The following REPS1 variants were observed in gnomAD, a reference collection of about 807,000 sequenced individuals.
The protein encoded by REPS1 is ralBP1-associated Eps domain-containing protein 1.
In REPS1, 39 loss-of-function variants were observed where a neutral mutation model predicts 100.9. The observed-to-expected ratio is 0.39, with a 90% CI of 0.30 to 0.50. The LOEUF (loss-of-function observed/expected upper bound fraction) is 0.50. Ranked by LOEUF, REPS1 falls within the 20% of genes least tolerant of loss-of-function variation. The pLI is 0.86. For synonymous variants in REPS1, 324 were observed against 340.3 expected (o/e 0.95, Z 0.53); for missense variants, 821 against 968.5 (o/e 0.85, Z 2.02).
chr6:138,973,088 G>C (rs1177626558), intron 1 of REPS1, among the ~76,000 whole-genome samples: 6 of 152,150 alleles, frequency 3.9e-5, no homozygotes, highest in Non-Finnish European at 7.4e-5. Context: ...AAGGGAAACA[G>C]ATACACAGGA....
intron 8 of REPS1, chr6:138,934,440 G>C (rs1781676044): frequency 4.7e-6 from 2 of 423,998 alleles, no homozygotes. Context: ...AACCCAGTAT[G>C]ATCACACTGA....
At chr6:138,947,075 T>TCC (rs1554292217) in intron 2 of REPS1, among the ~76,000 whole-genome samples, 4 of 141,444 alleles carry the variant, frequency 2.8e-5, no homozygotes, top group Non-Finnish European at 6.2e-5. Flanking sequence ...TCTCTCTCTC[T>TCC]CCTGTGGCCA....
intron 19 of REPS1, among the ~76,000 whole-genome samples, chr6:138,906,065 G>A (rs1337893105): frequency 6.6e-6 from 1 of 152,096 alleles, no homozygotes; most frequent in African/African-American, 2.4e-5. Context: ...CTATATACTT[G>A]TTTCAATGGT....
At chr6:138,953,487 C>T (rs1263064927) in intron 1 of REPS1, among the ~76,000 whole-genome samples, 1 of 151,902 alleles carries the variant, frequency 6.6e-6, no homozygotes, top group Non-Finnish European at 1.5e-5. Context: ...GCTGAAATAT[C>T]TCAACAGCAA....
At chr6:138,961,090 A>T (rs1215980054) in intron 1 of REPS1, among the ~76,000 whole-genome samples, 1 of 152,226 alleles carries the variant, frequency 6.6e-6, no homozygotes, top group Non-Finnish European at 1.5e-5. Context: ...TGAAAAAAGT[A>T]GTTACTTTAG....
chr6:138,938,532 T>A (rs946504866), intron 8 of REPS1, among the ~76,000 whole-genome samples: 6 of 152,178 alleles, frequency 3.9e-5, no homozygotes, highest in Non-Finnish European at 8.8e-5. Flanking sequence ...AATTAATTCA[T>A]CCAATATTAG....
In REPS1 at chr6:138,908,715, C is replaced by G; in HGVS notation, c.2169G>C (p.Lys723Asn). 1 of 1,614,152 alleles carries G rather than the reference C, an allele frequency of 6.2e-7. No homozygotes were observed. Among genetic ancestry groups the G allele is most frequent in the Non-Finnish European group, 8.5e-7 (1 of 1,180,008 alleles). ...CAAGAACAGCAGCTAAGACACCCGT[C>G]TTTTGTGTATGTTCATCAACTTCTG... ...LRPEVDEHTQ[K>N]TGVLAAVLAS... Residue 723 changes from lysine to asparagine, a missense_variant, in exon 18 of 20, where the codon AAG (lysine) becomes AAC (asparagine). Physicochemically the swap from Lys to Asn is moderately conservative, Grantham distance 94 (BLOSUM62 0). Transcript: ENST00000450536.
At chr6:138,925,542 T>C (rs1167370898) in intron 10 of REPS1, among the ~76,000 whole-genome samples, 1 of 152,134 alleles carries the variant, frequency 6.6e-6, no homozygotes, top group African/African-American at 2.4e-5. Flanking sequence ...ACTTATGTCA[T>C]TTTCTCCATA....
chr6:138,917,050 T>C (rs574298969), intron 13 of REPS1, among the ~76,000 whole-genome samples: 2 of 152,194 alleles, frequency 1.3e-5, no homozygotes, highest in Non-Finnish European at 1.5e-5. Context: ...GATGCTTCTG[T>C]CCTGCACACA....
chr6:138,986,086 T>C (rs924356135), intron 1 of REPS1, among the ~76,000 whole-genome samples: 3 of 152,190 alleles, frequency 2.0e-5, no homozygotes, highest in African/African-American at 7.2e-5. Flanking sequence ...CCAGCACCCT[T>C]CGTTAGCAGA....
At chr6:138,987,250 C>G (rs1245240409) in intron 1 of REPS1, among the ~76,000 whole-genome samples, 1 of 152,264 alleles carries the variant, frequency 6.6e-6, no homozygotes, top group Non-Finnish European at 1.5e-5. Context: ...AGTGAGATAG[C>G]TCTTGCAGTA....
At position 138,948,171 on chromosome 6, in the gene REPS1, T is replaced by TA. The variant is rs563172831; in HGVS notation, c.154-259dup. Among the ~76,000 whole-genome samples, 9 of 152,266 alleles carry TA rather than the reference T, an allele frequency of 5.9e-5. No individual in the cohort carries two copies. In the East Asian group the frequency reaches 1.7e-3, roughly 29 times the overall value. On this transcript the variant is annotated intron_variant, in intron 1 of 19. Transcript: ENST00000450536. ...CAATTTTCTTAGAATAAATTTTTGT[T>TA]ATGAGTCACATTTTTAAAGAAACAA...
intron 1 of REPS1, among the ~76,000 whole-genome samples, chr6:138,980,279 T>C (rs1010742353): frequency 2.4e-4 from 36 of 152,230 alleles, no homozygotes; most frequent in African/African-American, 7.7e-4. Flanking sequence ...CTGCTTCCAC[T>C]TGCCCCCAGT....
At chr6:138,949,841 T>A (rs1248664492) in intron 1 of REPS1, among the ~76,000 whole-genome samples, 1 of 152,034 alleles carries the variant, frequency 6.6e-6, no homozygotes, top group East Asian at 1.9e-4. Context: ...AAGACCAGAG[T>A]GTAGCTGTAA....
At chr6:138,980,822 G>C (rs946593828) in intron 1 of REPS1, among the ~76,000 whole-genome samples, 13 of 151,872 alleles carry the variant, frequency 8.6e-5, no homozygotes, top group African/African-American at 2.9e-4. Context: ...CAAGTAGCTG[G>C]GACTACAGGT....
chr6:138,907,340 G>GT, intron 19 of REPS1, 155 bp downstream of exon 19: 2 of 490,426 alleles, frequency 4.1e-6, no homozygotes, highest in South Asian at 2.3e-5. Context: ...GTGTGTGTGT[G>GT]GCGGGGAGGG....
At chr6:138,977,973 T>A (rs1219158977) in intron 1 of REPS1, among the ~76,000 whole-genome samples, 2 of 152,250 alleles carry the variant, frequency 1.3e-5, no homozygotes, top group Non-Finnish European at 2.9e-5. Context: ...GTGATTTAAT[T>A]TGCATTTCCC....
chr6:138,946,354 G>A (rs1782614115), intron 2 of REPS1, among the ~76,000 whole-genome samples: 1 of 152,110 alleles, frequency 6.6e-6, no homozygotes, highest in African/African-American at 2.4e-5. Flanking sequence ...TTAAATAGAG[G>A]AGAAAGATGA....
At chr6:138,969,869 T>TC (rs1784238366) in intron 1 of REPS1, among the ~76,000 whole-genome samples, 1 of 144,040 alleles carries the variant, frequency 6.9e-6, no homozygotes, top group African/African-American at 2.6e-5. Context: ...ATTTTTTTTT[T>TC]TTTTTTTTTT....
Sources: gnomAD v4.1 joint callset for allele counts (sites outside exome capture counted in the v4.1 genomes callset) on GRCh38, gnomAD v4.1.1 for gene constraint, MANE v1.5 for transcripts, NCBI Gene and HGNC (gene_info 2026-07-23, HGNC 2026-07-21) for gene names.